The following ZNF462 variants were observed in gnomAD, a reference collection of about 807,000 sequenced individuals.
The protein encoded by ZNF462 is zinc finger protein 462.
Under a neutral mutation model 201.9 loss-of-function variants are expected in ZNF462, and 10 were observed. The observed-to-expected ratio is 0.05, with a 90% CI of 0.03 to 0.08. The LOEUF is 0.08. Ranked by LOEUF, ZNF462 falls within the 10% of genes least tolerant of loss-of-function variation. The pLI, the probability that ZNF462 is intolerant of heterozygous loss-of-function variation, is 1.00. For missense variants in ZNF462, 2,523 were observed against 3,168.3 expected, an observed-to-expected ratio of 0.80 and a Z score of 4.89; for synonymous variants, 1,227 against 1,193.3, an observed-to-expected ratio of 1.03 and a Z score of -0.58.
In ZNF462 at chr9:107,009,657, G is replaced by A; in HGVS notation, c.7302G>A (p.Leu2434=). ...SQGSEWERHV[L]RHGMALNDTK... is the part of the protein sequence containing the mutation. ...GCTCTGAGTGGGAAAGACATGTGCTGAGACACGGCATGTAAGTTGGGCCAC... is the reference window on the plus strand; with the variant it reads ...GCTCTGAGTGGGAAAGACATGTGCTAAGACACGGCATGTAAGTTGGGCCAC... Residue 2434 remains leucine (L), a synonymous_variant, in exon 12 of 13, where the codon CTG becomes CTA. Transcript: ENST00000277225. This position sits in a 1 kb window ranked among gnomAD's most constrained non-coding sequence, Gnocchi z 6.1. 1.2e-6 allele frequency: 2 copies of A among 1,604,686 alleles called. No homozygotes were observed. The highest frequency in any genetic ancestry group is 2.3e-5 in the East Asian group (1 of 44,396).
rs751234296 is a variant in ZNF462, at chr9:106,928,955, C to A, written c.5043C>A (p.Ile1681=). 4.3e-6 allele frequency: 7 copies of A among 1,614,034 alleles called. No homozygotes were observed. The East Asian group carries it at 1.6e-4, about 36-fold the overall frequency. ...AGGGGATCGCCAGGCACTACCGCAT[C>A]AAGCACAATAATGTCCGAGCCCAGC... is the stretch of plus-strand genomic sequence containing the variant. ...TRKGIARHYR[I]KHNNVRAQPE... is the part of the protein sequence containing the mutation. Residue 1681 remains isoleucine (I), a synonymous_variant, in exon 3 of 13, where the codon ATC becomes ATA. Coordinates refer to ENST00000277225, the MANE Select transcript of ZNF462 (RefSeq NM_021224.6). This position sits in a 1 kb window ranked among gnomAD's most constrained non-coding sequence, Gnocchi z 9.3.
Position 106,925,659 on chromosome 9 carries a change from C to T in ZNF462, c.1747C>T (p.Pro583Ser). 6.2e-7 allele frequency: 1 copy of T among 1,614,106 alleles called. No homozygotes were observed. Among genetic ancestry groups the T allele is most frequent in the South Asian group, 1.1e-5 (1 of 91,058 alleles). ...QVPPQPQTQP[P>S]PTQQPQPPTQ... is the part of the protein sequence containing the mutation. ...GCCACCCCAGCCACAAACACAGCCACCACCAACGCAGCAGCCACAGCCACC... is the reference window on the plus strand; with the variant it reads ...GCCACCCCAGCCACAAACACAGCCATCACCAACGCAGCAGCCACAGCCACC... The change falls in exon 3 of 13, where the codon CCA becomes TCA. Residue 583 changes from proline (P) to serine (S), a missense_variant. Coordinates refer to ENST00000277225, the MANE Select transcript of ZNF462 (RefSeq NM_021224.6). This position sits in a 1 kb window ranked among gnomAD's most constrained non-coding sequence, Gnocchi z 7.9.
In ZNF462 at chr9:106,870,487, A is replaced by G. The variant is rs1479067646; in HGVS notation, c.-31+7132A>G. On this transcript the variant is annotated intron_variant, in intron 1 of 12. Transcript: ENST00000277225. This position sits in a 1 kb window ranked among gnomAD's most constrained non-coding sequence, Gnocchi z 4.3. ...GTTCTTTAGGGTGAAAGGAAGTTTGACAGGTACTTATTTGTTCAAAAAATA... is the reference window on the plus strand; with the variant it reads ...GTTCTTTAGGGTGAAAGGAAGTTTGGCAGGTACTTATTTGTTCAAAAAATA... Among the ~76,000 whole-genome samples the G allele has an allele frequency of 1.3e-5, 2 of 152,196 alleles. No homozygotes were observed. Among genetic ancestry groups the G allele is most frequent in the African/African-American group, 4.8e-5 (2 of 41,446 alleles).
rs186128837 is a variant in ZNF462 at position 106,952,097 on chromosome 9, T to A, written c.6427+12990T>A. On this transcript the variant is annotated intron_variant, in intron 7 of 12. Transcript: ENST00000277225. ...GATGCTGGAACCATGAGTTTGAGAT[T>A]TGGCTTGAAAGCTGCTGCAGGCTCA... is the stretch of plus-strand genomic sequence containing the variant. Among the ~76,000 whole-genome samples, 4 of 152,242 alleles carry A rather than the reference T, an allele frequency of 2.6e-5. No individual in the cohort carries two copies. The East Asian group carries it at 5.8e-4, about 22-fold the overall frequency.
rs1831281803 is a variant in ZNF462, at chr9:106,950,226, T to G, written c.6427+11119T>G. Among the ~76,000 whole-genome samples, 1 of 152,232 alleles carries G rather than the reference T, an allele frequency of 6.6e-6. No individual in the cohort carries two copies. The highest frequency in any genetic ancestry group is 1.5e-5 in the Non-Finnish European group (1 of 68,050). On this transcript the variant is annotated intron_variant, in intron 7 of 12. Transcript: ENST00000277225. This position sits in a 1 kb window ranked among gnomAD's most constrained non-coding sequence, Gnocchi z 4.1. ...ATCAAATTTACTTTTCAAAATAAATTTGAGCTGAGTCAGACTTATCCCTAT... is the reference window on the plus strand; with the variant it reads ...ATCAAATTTACTTTTCAAAATAAATGTGAGCTGAGTCAGACTTATCCCTAT...
In ZNF462 at chr9:106,925,688, A is replaced by G; in HGVS notation, c.1776A>G (p.Thr592=). 6.2e-7 allele frequency: 1 copy of G among 1,614,072 alleles called. No homozygotes were observed. The highest frequency in any genetic ancestry group is 1.6e-4 in the Middle Eastern group (1 of 6,062). ...PPPTQQPQPP[T]QAAPLHPYKC... ...CAACGCAGCAGCCACAGCCACCCAC[A>G]CAAGCCGCACCTCTGCACCCATACA... Residue 592 remains threonine, a synonymous_variant, in exon 3 of 13, where the codon ACA becomes ACG. Coordinates refer to ENST00000277225, the MANE Select transcript of ZNF462 (RefSeq NM_021224.6). The surrounding 1 kb of genome is among the most constrained non-coding windows in gnomAD (Gnocchi z 7.9).
In ZNF462 at chr9:106,970,823, C is replaced by CTT. The variant is rs5899721; in HGVS notation, c.6428-1175_6428-1174dup. 1.4e-5 allele frequency among the ~76,000 whole-genome samples: 2 copies of CTT among 143,946 alleles called. No homozygotes were observed. Among genetic ancestry groups the CTT allele is most frequent in the African/African-American group, 5.6e-5 (2 of 35,606 alleles). The allele number at this position is 143,946 out of a possible 152,430, so 94.4% of individuals were successfully genotyped here. ...CAACCCCTTTATTTATTTATTTTTA[C>CTT]TTTTTTTTCTCTTCTTTTTTTTTAA... On this transcript the variant is annotated intron_variant, in intron 7 of 12. Transcript: ENST00000277225. This position sits in a 1 kb window ranked among gnomAD's most constrained non-coding sequence, Gnocchi z 4.2.
chr9:106,965,326 T>G (rs899889794), intron 7 of ZNF462, among the ~76,000 whole-genome samples: 2 of 151,068 alleles, frequency 1.3e-5, no homozygotes, highest in Non-Finnish European at 2.9e-5. Context: ...TCTTGAGCAA[T>G]AGGGCACACT....
intron 1 of ZNF462, among the ~76,000 whole-genome samples, chr9:106,891,721 C>G (rs1172995068): frequency 6.6e-6 from 1 of 152,146 alleles, no homozygotes; most frequent in Non-Finnish European, 1.5e-5. Context: ...GAAAAGGTGA[C>G]GTTTCTTGAT....
At chr9:106,864,039 G>GCTCGCT (rs1827179488) in intron 1 of ZNF462, among the ~76,000 whole-genome samples, 5 of 22,760 alleles carry the variant, frequency 2.2e-4, no homozygotes, top group South Asian at 1.6e-3. Context: ...CAGGTATTTG[G>GCTCGCT]CTCTCTCTCT....
rs901318542 is a variant in ZNF462, at chr9:106,899,251, G to T, written c.-30-24103G>T. Among the ~76,000 whole-genome samples, 127 of 123,616 alleles carry T rather than the reference G, an allele frequency of 1.0e-3. 1 individual carries two copies. The highest frequency in any genetic ancestry group is 4.5e-3 in the East Asian group (18 of 4,026). 81.1% of individuals were successfully genotyped at this position (123,616 alleles called of 152,430 possible). A position where few individuals can be genotyped will look rare whatever the true frequency, so the allele number is the denominator to read the frequency against. On this transcript the variant is annotated intron_variant, in intron 1 of 12. Coordinates refer to ENST00000277225, the MANE Select transcript of ZNF462 (RefSeq NM_021224.6). ...ATGTGTGTGTGTGTGGGGGGGGGGGGGTGTGTGCATGCATGCATGTGTGTT... is the reference window on the plus strand; with the variant it reads ...ATGTGTGTGTGTGTGGGGGGGGGGGTGTGTGTGCATGCATGCATGTGTGTT...
chr9:106,915,065 A>G (rs917716615), intron 1 of ZNF462, among the ~76,000 whole-genome samples: 2 of 152,104 alleles, frequency 1.3e-5, no homozygotes, highest in East Asian at 3.9e-4. Context: ...CATTTAACAA[A>G]ATGATCAAAG....
At chr9:106,903,646 G>T (rs561122959) in intron 1 of ZNF462, among the ~76,000 whole-genome samples, 1 of 152,258 alleles carries the variant, frequency 6.6e-6, no homozygotes, top group East Asian at 1.9e-4. Flanking sequence ...ATATTTTCCT[G>T]TTAGACAAGG....
At chr9:106,982,086 G>A (rs1827478377) in intron 9 of ZNF462, among the ~76,000 whole-genome samples, 1 of 152,150 alleles carries the variant, frequency 6.6e-6, no homozygotes, top group Non-Finnish European at 1.5e-5. Context: ...CATGGGGGCA[G>A]TTCCCCGTGG....
intron 1 of ZNF462, among the ~76,000 whole-genome samples, chr9:106,871,994 C>T (rs555183222): frequency 3.9e-5 from 6 of 152,184 alleles, no homozygotes; most frequent in African/African-American, 7.2e-5. Context: ...TTGAGCCAAG[C>T]GTCACAGGCT....
intron 1 of ZNF462, among the ~76,000 whole-genome samples, chr9:106,864,105 T>TCTCTCCCTCTCC (rs1174699544): frequency 1.9e-4 from 20 of 107,972 alleles, no homozygotes; most frequent in East Asian, 5.3e-4. Flanking sequence ...TCTCTCTCTC[T>TCTCTCCCTCTCC]CTCTCCCTCT....
At chr9:106,988,452 C>T (rs1279154593) in intron 10 of ZNF462, among the ~76,000 whole-genome samples, 2 of 151,974 alleles carry the variant, frequency 1.3e-5, no homozygotes, top group African/African-American at 2.4e-5. Context: ...GGTGGGGACA[C>T]AGAGCTGAAC....
Position 106,962,372 on chromosome 9 carries a change from T to C in ZNF462, c.6428-9633T>C, listed in dbSNP as rs867110904. The stretch of plus-strand genomic sequence containing the variant: ...ACTGGGTGAATGAATGGTGATGTCA[T>C]TGACAAAAAATATAGAAAGACAAAT... On this transcript the variant is annotated intron_variant, in intron 7 of 12. Transcript: ENST00000277225. This position sits in a 1 kb window ranked among gnomAD's most constrained non-coding sequence, Gnocchi z 4.6. Among the ~76,000 whole-genome samples, 3 of 152,084 alleles carry C rather than the reference T, an allele frequency of 2.0e-5. No individual in the cohort carries two copies. The highest frequency in any genetic ancestry group is 3.4e-3 in the Middle Eastern group (1 of 294).
Position 106,932,531 on chromosome 9 carries a change from T to C in ZNF462, c.6098T>C (p.Val2033Ala). Reference sequence around the variant, plus strand: ...TACAGCTGCCAGTATTGCTCGTTTGTTTCTGCTTTCAGGCACAAGTAAGTG... The same window carrying C: ...TACAGCTGCCAGTATTGCTCGTTTGCTTCTGCTTTCAGGCACAAGTAAGTG... ...DKYSCQYCSF[V>A]SAFRHNLDRH... The change falls in exon 5 of 13, where the codon GTT becomes GCT. Residue 2033 changes from valine (V) to alanine (A), a missense_variant. Physicochemically the swap from Val to Ala is moderately conservative, Grantham distance 64. Around this residue, in one of 15 missense-constraint regions of ZNF462, gnomAD observed 107 missense variants for 187.7 expected, o/e 0.57. Transcript: ENST00000277225. This position sits in a 1 kb window ranked among gnomAD's most constrained non-coding sequence, Gnocchi z 6.8. 6.2e-7 allele frequency: 1 copy of C among 1,614,280 alleles called. No individual in the cohort carries two copies. Among genetic ancestry groups the C allele is most frequent in the East Asian group, 2.2e-5 (1 of 44,888 alleles).
Sources: allele counts gnomAD v4.1 joint callset (sites outside exome capture counted in the v4.1 genomes callset), GRCh38; gene constraint gnomAD v4.1.1; regional missense constraint gnomAD v4.1.1; non-coding constraint Gnocchi (gnomAD v3.1); transcripts MANE v1.5; gene names NCBI Gene and HGNC (gene_info 2026-07-23, HGNC 2026-07-21).